Variants in WDR72 observed in about 807,000 individuals in gnomAD.
WDR72 encodes WD repeat domain 72.
In WDR72, 120 loss-of-function variants were observed where a neutral mutation model predicts 124.2. That is an observed-to-expected ratio of 0.97 (90% CI 0.83 to 1.12). WDR72 has a LOEUF of 1.12. Ranked by LOEUF, WDR72 falls within the 50% of genes most tolerant of loss-of-function variation. The pLI is 0.00. For missense variants in WDR72, 1,387 were observed against 1,278.8 expected, an observed-to-expected ratio of 1.08 and a Z score of -1.29; for synonymous variants, 452 against 441.7, an observed-to-expected ratio of 1.02 and a Z score of -0.29.
At chr15:53,667,118 G>A (rs2015806051) in intron 13 of WDR72, among the ~76,000 whole-genome samples, 1 of 152,140 alleles carries the variant, frequency 6.6e-6, no homozygotes, top group South Asian at 2.1e-4. Flanking sequence ...TTTGGAGCCT[G>A]AGGTGGGCAG....
chr15:53,555,283 T>C (rs547823478), intron 18 of WDR72, among the ~76,000 whole-genome samples: 27 of 151,132 alleles, frequency 1.8e-4, no homozygotes, highest in African/African-American at 6.6e-4. Flanking sequence ...GAAGTGCACG[T>C]GCACTTCACG....
At chr15:53,731,371 T>A (rs543183697) in intron 2 of WDR72, among the ~76,000 whole-genome samples, 2 of 151,900 alleles carry the variant, frequency 1.3e-5, no homozygotes, top group East Asian at 3.9e-4. Flanking sequence ...TAATTCCTAT[T>A]CCCAGCCCAT....
At chr15:53,754,287 G>A (rs1016999674) in intron 1 of WDR72, among the ~76,000 whole-genome samples, 4 of 152,092 alleles carry the variant, frequency 2.6e-5, no homozygotes, top group African/African-American at 9.7e-5. Flanking sequence ...CTAGTGTCAT[G>A]GAAAAAGACT....
intron 18 of WDR72, among the ~76,000 whole-genome samples, chr15:53,562,075 A>C (rs1160853134): frequency 6.6e-6 from 1 of 151,770 alleles, no homozygotes; most frequent in Non-Finnish European, 1.5e-5. Flanking sequence ...TTTTTAAGTA[A>C]ATTTTCTCAT....
intron 18 of WDR72, chr15:53,541,154 G>C (rs1893102988): frequency 6.5e-6 from 1 of 153,080 alleles, no homozygotes; most frequent in East Asian, 1.9e-4. Flanking sequence ...GCTCAAGGTG[G>C]CCTGCCTGCC....
intron 13 of WDR72, among the ~76,000 whole-genome samples, chr15:53,684,817 C>T (rs547120929): frequency 7.3e-5 from 11 of 151,662 alleles, no homozygotes; most frequent in Admixed American, 1.3e-4. Flanking sequence ...CCCTGTCTGA[C>T]AGCTTTGAAG....
At chr15:53,633,850 T>A (rs573139434) in intron 14 of WDR72, among the ~76,000 whole-genome samples, 1 of 152,348 alleles carries the variant, frequency 6.6e-6, no homozygotes, top group African/African-American at 2.4e-5. Flanking sequence ...TTCAAGTTGC[T>A]ACTGACCCTT....
At position 53,516,688 on chromosome 15, in the gene WDR72, T is replaced by A. The variant is rs1555402663; in HGVS notation, c.*1011A>T. The A allele has an allele frequency of 1.3e-5, 2 of 152,038 alleles. No homozygotes were observed. Among genetic ancestry groups the A allele is most frequent in the Non-Finnish European group, 1.5e-5 (1 of 67,978 alleles). The allele number at this position is 152,038 out of a possible 1,614,324, so 9.4% of individuals were successfully genotyped here. A position where few individuals can be genotyped will look rare whatever the true frequency, so the allele number is the denominator to read the frequency against. On this transcript the variant is annotated 3_prime_UTR_variant, in exon 20 of 20. Transcript: ENST00000360509. ...ATAGATAGATAGATATAGCTATATATCACATATTTAATACTTTATATCCTT... is the reference window on the plus strand; with the variant it reads ...ATAGATAGATAGATATAGCTATATAACACATATTTAATACTTTATATCCTT...
intron 18 of WDR72, among the ~76,000 whole-genome samples, chr15:53,550,865 A>G (rs1388391360): frequency 6.6e-6 from 1 of 152,206 alleles, no homozygotes; most frequent in African/African-American, 2.4e-5. Flanking sequence ...CATCTCTTAT[A>G]AAGCTTAGAA....
At chr15:53,738,815 G>A (rs980628221) in intron 1 of WDR72, among the ~76,000 whole-genome samples, 8 of 152,006 alleles carry the variant, frequency 5.3e-5, no homozygotes, top group African/African-American at 1.4e-4. Context: ...CCTTGTTGGC[G>A]AAGCTGGTCT....
At chr15:53,561,475 C>A (rs1282139712) in intron 18 of WDR72, among the ~76,000 whole-genome samples, 1 of 151,752 alleles carries the variant, frequency 6.6e-6, no homozygotes, top group African/African-American at 2.4e-5. Flanking sequence ...TAAGTGCATA[C>A]TTTGCTGCAT....
At chr15:53,758,003 CTCTCTT>C (rs966251462) in intron 1 of WDR72, among the ~76,000 whole-genome samples, 5 of 127,432 alleles carry the variant, frequency 3.9e-5, no homozygotes, top group African/African-American at 8.7e-5. Flanking sequence ...CTCTCTCTCT[CTCTCTT>C]TTTCTCTTTT....
chr15:53,679,801 A>T (rs2016314217), intron 13 of WDR72, among the ~76,000 whole-genome samples: 1 of 152,194 alleles, frequency 6.6e-6, no homozygotes, highest in African/African-American at 2.4e-5. Context: ...TTCCTTATCC[A>T]AAACATTTGA....
chr15:53,741,345 T>C (rs2470076), intron 1 of WDR72, among the ~76,000 whole-genome samples: 94,023 of 151,992 alleles, frequency 0.62, 29,280 homozygotes, highest in African/African-American at 0.68. Flanking sequence ...TGGACCAAGG[T>C]CAAAGCCACA....
At chr15:53,593,920 ATC>A (rs1424383148) in intron 18 of WDR72, among the ~76,000 whole-genome samples, 12 of 152,108 alleles carry the variant, frequency 7.9e-5, no homozygotes, top group Non-Finnish European at 1.6e-4. Flanking sequence ...TATGATGGGA[ATC>A]TCTTTCTTAG....
At chr15:53,647,104 T>C (rs1471635424) in intron 14 of WDR72, among the ~76,000 whole-genome samples, 2 of 151,994 alleles carry the variant, frequency 1.3e-5, no homozygotes, top group African/African-American at 2.4e-5. Context: ...AGAATTATTT[T>C]TGTGCACAAA....
chr15:53,563,618 G>C (rs1404198387), intron 18 of WDR72, among the ~76,000 whole-genome samples: 1 of 151,684 alleles, frequency 6.6e-6, no homozygotes, highest in East Asian at 1.9e-4. Context: ...TTGAGGTGAA[G>C]CTGTTTGCTA....
chr15:53,545,528 A>C (rs1893403866), intron 18 of WDR72, among the ~76,000 whole-genome samples: 1 of 151,898 alleles, frequency 6.6e-6, no homozygotes, highest in Non-Finnish European at 1.5e-5. Context: ...TGGATTAAAG[A>C]CTTAAACGTT....
chr15:53,567,718 T>C (rs1361295137), intron 18 of WDR72, among the ~76,000 whole-genome samples: 1 of 151,934 alleles, frequency 6.6e-6, no homozygotes, highest in Non-Finnish European at 1.5e-5. Context: ...CTGATCTTTA[T>C]AGGAACAAAA....
Sources: allele counts gnomAD v4.1 joint callset (sites outside exome capture counted in the v4.1 genomes callset), GRCh38; gene constraint gnomAD v4.1.1; transcripts MANE v1.5; gene names NCBI Gene and HGNC (gene_info 2026-07-23, HGNC 2026-07-21).